The following CSMD3 variants were observed in gnomAD, a reference collection of about 807,000 sequenced individuals.
CSMD3 encodes CUB and Sushi multiple domains 3.
In CSMD3, 177 loss-of-function variants were observed where a neutral mutation model predicts 435.2. The observed-to-expected ratio is 0.41, with a 90% CI of 0.36 to 0.46. CSMD3 has a LOEUF of 0.46. CSMD3 is among the 20% of genes least tolerant of loss of function. CSMD3 has a pLI of 0.34. For missense variants in CSMD3, 4,265 were observed against 4,504.6 expected, an observed-to-expected ratio of 0.95 and a Z score of 1.52; for synonymous variants, 1,656 against 1,520.5, an observed-to-expected ratio of 1.09 and a Z score of -2.07.
chr8:112,860,721 C>T (rs1179846139), intron 10 of CSMD3, among the ~76,000 whole-genome samples: 1 of 151,606 alleles, frequency 6.6e-6, no homozygotes, highest in East Asian at 1.9e-4. Flanking sequence ...TCTGCCTTCC[C>T]TTACATAGTA....
chr8:112,633,377 T>C (rs915865862), intron 22 of CSMD3, among the ~76,000 whole-genome samples: 25 of 152,056 alleles, frequency 1.6e-4, no homozygotes, highest in African/African-American at 5.8e-4. Flanking sequence ...ACTCGGAACA[T>C]TGTGATAATC....
chr8:113,195,155 T>C (rs1292962296), intron 3 of CSMD3, among the ~76,000 whole-genome samples: 1 of 151,094 alleles, frequency 6.6e-6, no homozygotes, highest in Non-Finnish European at 1.5e-5. Flanking sequence ...ATTTTTTTCC[T>C]TTCTTTCTTA....
At chr8:112,465,399 C>G (rs1185011260) in intron 32 of CSMD3, among the ~76,000 whole-genome samples, 4 of 152,146 alleles carry the variant, frequency 2.6e-5, no homozygotes, top group Non-Finnish European at 5.9e-5. Flanking sequence ...GGATAGAATA[C>G]TGTGGCCCAC....
In CSMD3 at chr8:113,239,575, A is replaced by G. The variant is rs572160797; in HGVS notation, c.514+39017T>C. ...TCTGTTTCTGTACAGAACCCAGAATATTACAGATTTTGGCATGAAGAAGTG... is the reference window on the plus strand; with the variant it reads ...TCTGTTTCTGTACAGAACCCAGAATGTTACAGATTTTGGCATGAAGAAGTG... On this transcript the variant is annotated intron_variant, in intron 3 of 70. Coordinates refer to ENST00000297405, the MANE Select transcript of CSMD3 (RefSeq NM_198123.2). 2.0e-5 allele frequency among the ~76,000 whole-genome samples: 3 copies of G among 152,136 alleles called. No homozygotes were observed. In the South Asian group the frequency reaches 6.2e-4, roughly 32 times the overall value.
At chr8:112,787,111 A>G (rs1032584200) in intron 13 of CSMD3, among the ~76,000 whole-genome samples, 1 of 152,026 alleles carries the variant, frequency 6.6e-6, no homozygotes, top group African/African-American at 2.4e-5. Flanking sequence ...TATGTGCCAC[A>G]TTTTCTTAAT....
chr8:112,894,989 G>T (rs1186588829), intron 10 of CSMD3, among the ~76,000 whole-genome samples: 2 of 151,306 alleles, frequency 1.3e-5, no homozygotes, highest in Non-Finnish European at 3.0e-5. Context: ...GAAAAGAAAG[G>T]CTCATGGATG....
intron 27 of CSMD3, among the ~76,000 whole-genome samples, chr8:112,544,216 G>A (rs139517037): frequency 1.5e-3 from 230 of 152,158 alleles, no homozygotes; most frequent in African/African-American, 5.2e-3. Flanking sequence ...AGTAGATCTC[G>A]TGTTAATTGT....
chr8:112,912,577 T>A (rs1165455780), intron 10 of CSMD3, among the ~76,000 whole-genome samples: 1 of 151,930 alleles, frequency 6.6e-6, no homozygotes, highest in Non-Finnish European at 1.5e-5. Flanking sequence ...ATGGATTAAA[T>A]AGTTAAATAA....
In CSMD3 at chr8:112,685,738, G is replaced by T; in HGVS notation, c.2156-6C>A. The T allele has an allele frequency of 6.5e-7, 1 of 1,534,182 alleles. No homozygotes were observed. The highest frequency in any genetic ancestry group is 9.0e-7 in the Non-Finnish European group (1 of 1,108,150). ...AAAGTTAGACAGGCAGGGAACTGGTGAAACAGGAAGATTATGAAATACAAT... is the reference window on the plus strand; with the variant it reads ...AAAGTTAGACAGGCAGGGAACTGGTTAAACAGGAAGATTATGAAATACAAT... On this transcript the variant is annotated splice_region_variant and splice_polypyrimidine_tract_variant and intron_variant, in intron 14 of 70. Transcript: ENST00000297405.
At chr8:113,198,696 T>C (rs2092686628) in intron 3 of CSMD3, among the ~76,000 whole-genome samples, 1 of 151,354 alleles carries the variant, frequency 6.6e-6, no homozygotes, top group Non-Finnish European at 1.5e-5. Context: ...GATATTAATA[T>C]GACTTAATCA....
At chr8:113,324,377 G>A (rs969503373) in intron 1 of CSMD3, among the ~76,000 whole-genome samples, 7 of 152,064 alleles carry the variant, frequency 4.6e-5, no homozygotes, top group African/African-American at 9.7e-5. Context: ...TGCAGCCTAC[G>A]GACTTAGTGC....
chr8:112,948,717 T>C (rs72682165), intron 8 of CSMD3, among the ~76,000 whole-genome samples: 2 of 151,880 alleles, frequency 1.3e-5, no homozygotes. Context: ...GCTTTTTTTT[T>C]AGAAAAAATA....
chr8:112,578,218 A>G (rs1326757752), intron 23 of CSMD3, among the ~76,000 whole-genome samples: 9 of 152,114 alleles, frequency 5.9e-5, no homozygotes, highest in Non-Finnish European at 1.0e-4. Context: ...TTTGCATTCA[A>G]TTATTTAGGT....
intron 5 of CSMD3, among the ~76,000 whole-genome samples, chr8:113,055,861 A>G (rs990298793): frequency 6.6e-6 from 1 of 152,188 alleles, no homozygotes; most frequent in South Asian, 2.1e-4. Flanking sequence ...TTGCTCTTAA[A>G]GTTTGAAGAT....
intron 31 of CSMD3, among the ~76,000 whole-genome samples, chr8:112,480,088 C>G (rs891650816): frequency 6.6e-6 from 1 of 152,220 alleles, no homozygotes; most frequent in Non-Finnish European, 1.5e-5. Flanking sequence ...ACCCCTCACA[C>G]AAGAATGTGG....
intron 3 of CSMD3, among the ~76,000 whole-genome samples, chr8:113,262,165 T>A (rs977068006): frequency 1.3e-5 from 2 of 152,030 alleles, no homozygotes; most frequent in African/African-American, 4.8e-5. Flanking sequence ...GCATAATATA[T>A]GATTATGATT....
intron 5 of CSMD3, among the ~76,000 whole-genome samples, chr8:113,055,189 C>T (rs961200187): frequency 1.1e-4 from 17 of 152,132 alleles, no homozygotes; most frequent in African/African-American, 4.1e-4. Context: ...CTCACTCTGT[C>T]GCCCAGGCTG....
At chr8:112,779,533 T>C (rs2078330840) in intron 13 of CSMD3, among the ~76,000 whole-genome samples, 1 of 152,030 alleles carries the variant, frequency 6.6e-6, no homozygotes, top group African/African-American at 2.4e-5. Context: ...AAATTCAGCC[T>C]TTAAATTCAA....
intron 3 of CSMD3, among the ~76,000 whole-genome samples, chr8:113,184,551 A>G (rs2092470690): frequency 6.6e-6 from 1 of 152,012 alleles, no homozygotes; most frequent in African/African-American, 2.4e-5. Flanking sequence ...TAAAATATAT[A>G]TTTCACAATA....
Sources: allele counts gnomAD v4.1 joint callset (sites outside exome capture counted in the v4.1 genomes callset), GRCh38; gene constraint gnomAD v4.1.1; transcripts MANE v1.5; gene names NCBI Gene and HGNC (gene_info 2026-07-23, HGNC 2026-07-21).